BDH1: variants seen among roughly 807,000 people sequenced by gnomAD.
BDH1 encodes 3-hydroxybutyrate dehydrogenase 1.
BDH1 carries 30 observed loss-of-function variants against 33.1 expected under a neutral mutation model. That is an observed-to-expected ratio of 0.91 (90% confidence interval 0.68 to 1.23). BDH1 has a LOEUF of 1.23. BDH1 is among the 50% of genes most tolerant of loss of function. The pLI, the probability that BDH1 is intolerant of heterozygous loss-of-function variation, is 0.00. For synonymous variants in BDH1, 190 were observed against 183.6 expected, an observed-to-expected ratio of 1.03 and a Z score of -0.28; for missense variants, 443 against 464.4, an observed-to-expected ratio of 0.95 and a Z score of 0.42.
chr3:197,514,023 C>G lies in BDH1; in HGVS notation c.562+241G>C, dbSNP rs2108701143. On this transcript the variant is annotated intron_variant, in intron 7 of 7. Transcript: ENST00000392379. The surrounding 1 kb of genome is among the most constrained non-coding windows in gnomAD (Gnocchi z 4.2). ...GTGTGCAGAGTGGATGGCTGCTCAA[C>G]TCTTTAAGCTTTTGCTGCATGGACC... 4.0e-6 allele frequency: 2 copies of G among 498,292 alleles called. No homozygotes were observed. Among genetic ancestry groups the G allele is most frequent in the Non-Finnish European group, 7.0e-6 (2 of 284,730 alleles). 30.9% of individuals were successfully genotyped at this position (498,292 alleles called of 1,614,324 possible).
chr3:197,563,287 T>C (rs2116294), intron 1 of BDH1, among the ~76,000 whole-genome samples: 53,363 of 152,144 alleles, frequency 0.35, 9,854 homozygotes, highest in African/African-American at 0.45. Flanking sequence ...CTGACTTTTA[T>C]GTGAGTTGTT....
At chr3:197,546,792 GAT>G (rs750930750) in intron 2 of BDH1, among the ~76,000 whole-genome samples, 1 of 152,204 alleles carries the variant, frequency 6.6e-6, no homozygotes, top group Non-Finnish European at 1.5e-5. Context: ...CCAGATCAGT[GAT>G]CCTCAAACCC....
At chr3:197,535,582 A>T (rs955829163) in intron 3 of BDH1, among the ~76,000 whole-genome samples, 7 of 152,232 alleles carry the variant, frequency 4.6e-5, no homozygotes, top group Non-Finnish European at 8.8e-5. Context: ...CAATGTAGTT[A>T]GTGATAGAGC....
intron 1 of BDH1, among the ~76,000 whole-genome samples, chr3:197,570,140 C>T (rs1717561062): frequency 6.6e-6 from 1 of 152,172 alleles, no homozygotes; most frequent in African/African-American, 2.4e-5. Flanking sequence ...CAGCATTTTG[C>T]CCCTGCCCTA....
chr3:197,533,333 T>C (rs576054952), intron 4 of BDH1, among the ~76,000 whole-genome samples, 156 bp downstream of exon 4: 1 of 152,258 alleles, frequency 6.6e-6, no homozygotes, highest in Admixed American at 6.5e-5. Context: ...AGCTCATTAC[T>C]GATGAGGGGC....
In BDH1 at chr3:197,520,158, T is replaced by G; in HGVS notation, c.409+2482A>C. On this transcript the variant is annotated intron_variant, in intron 6 of 7. Transcript: ENST00000392379. The surrounding 1 kb of genome is among the most constrained non-coding windows in gnomAD (Gnocchi z 6.0). ...CAAGACATGGCAGAGTGGCAGAGTG[T>G]GGAGGGGAAGCAGGGAGAGGGAGGA... Among the ~76,000 whole-genome samples the G allele has an allele frequency of 6.6e-6, 1 of 151,274 alleles. No individual in the cohort carries two copies. The highest frequency in any genetic ancestry group is 2.4e-5 in the African/African-American group (1 of 41,034).
intron 5 of BDH1, among the ~76,000 whole-genome samples, chr3:197,527,930 C>T (rs1714260878): frequency 2.6e-5 from 4 of 152,164 alleles, no homozygotes; most frequent in Non-Finnish European, 5.9e-5. Context: ...TCTGACACCC[C>T]GTCCACCATG....
In BDH1 at chr3:197,525,250, G is replaced by A. The variant is rs1450993869; in HGVS notation, c.268-2469C>T. Among the ~76,000 whole-genome samples the A allele has an allele frequency of 6.6e-6, 1 of 152,334 alleles. No individual in the cohort carries two copies. The highest frequency in any genetic ancestry group is 6.5e-5 in the Admixed American group (1 of 15,306). On this transcript the variant is annotated intron_variant, in intron 5 of 7. Coordinates refer to ENST00000392379, the MANE Select transcript of BDH1 (RefSeq NM_203314.3). The surrounding 1 kb of genome is among the most constrained non-coding windows in gnomAD (Gnocchi z 4.9). ...TTGCTTTAATGCAGTCTTCCACCTG[G>A]TGGCCCTTCAAATGCCCCTTGGCGT...
intron 3 of BDH1, among the ~76,000 whole-genome samples, chr3:197,539,450 A>C (rs1337220473): frequency 1.3e-5 from 2 of 152,204 alleles, no homozygotes; most frequent in Non-Finnish European, 2.9e-5. Context: ...TATAGTTTAT[A>C]GTTTAAAACA....
In BDH1 at chr3:197,522,801, T is replaced by G; in HGVS notation, c.268-20A>C. ...TTTGTCCTGGGGAGGAGAGAAGAGCTGCTTCTACCTCCTTCCTTCCCACCC... is the reference window on the plus strand; with the variant it reads ...TTTGTCCTGGGGAGGAGAGAAGAGCGGCTTCTACCTCCTTCCTTCCCACCC... On this transcript the variant is annotated intron_variant, in intron 5 of 7. Coordinates refer to ENST00000392379, the MANE Select transcript of BDH1 (RefSeq NM_203314.3). The surrounding 1 kb of genome is among the most constrained non-coding windows in gnomAD (Gnocchi z 4.8). The G allele has an allele frequency of 1.2e-6, 2 of 1,612,014 alleles. No individual in the cohort carries two copies. The highest frequency in any genetic ancestry group is 1.7e-6 in the Non-Finnish European group (2 of 1,178,558).
chr3:197,535,600 T>A (rs555660814), intron 3 of BDH1, among the ~76,000 whole-genome samples: 2 of 152,180 alleles, frequency 1.3e-5, no homozygotes, highest in African/African-American at 4.8e-5. Context: ...AGCTAACTAG[T>A]GAAACCAAGG....
chr3:197,515,562 T>A, intron 6 of BDH1: 1 of 985,602 alleles, frequency 1.0e-6, no homozygotes, highest in Non-Finnish European at 1.2e-6. Context: ...TTTACACAAT[T>A]TCAGCTTTTC....
intron 1 of BDH1, among the ~76,000 whole-genome samples, chr3:197,563,812 A>G (rs1717343856): frequency 6.6e-6 from 1 of 152,218 alleles, no homozygotes; most frequent in Non-Finnish European, 1.5e-5. Flanking sequence ...AGATGTAAAG[A>G]AAGTTATGGC....
chr3:197,531,961 G>A (rs1035914264), intron 5 of BDH1, among the ~76,000 whole-genome samples: 3 of 152,048 alleles, frequency 2.0e-5, no homozygotes, highest in Admixed American at 6.6e-5. Flanking sequence ...TTATTTACTC[G>A]CCATGGCCCA....
intron 3 of BDH1, 150 bp downstream of exon 3, chr3:197,546,211 C>G (rs1480527529): frequency 2.9e-6 from 2 of 691,230 alleles, no homozygotes; most frequent in African/African-American, 1.8e-5. Flanking sequence ...CTTCCCAGGA[C>G]ACCTCTGAGT....
upstream of BDH1, among the ~76,000 whole-genome samples, chr3:197,556,795 C>T (rs1363877772): frequency 6.6e-6 from 1 of 152,236 alleles, no homozygotes; most frequent in African/African-American, 2.4e-5. Context: ...CCTCCCAACC[C>T]CACCCCACTG....
rs3762651 is a variant in BDH1, at chr3:197,533,777, C to G, written c.84-216G>C. 3,006 of 524,344 alleles carry G rather than the reference C, an allele frequency of 5.7e-3. 117 individuals are homozygous for G. In the East Asian group the frequency reaches 0.07, roughly 12 times the overall value. 32.5% of individuals were successfully genotyped at this position (524,344 alleles called of 1,614,324 possible). ...TATGTTTGCCACTGTCCAGGAAGAG[C>G]CTTCCTGAGAATAAAGCCAATTCTG... On this transcript the variant is annotated intron_variant, in intron 3 of 7. Transcript: ENST00000392379.
intron 1 of BDH1, among the ~76,000 whole-genome samples, chr3:197,569,540 GA>G (rs895914154): frequency 2.0e-4 from 30 of 152,156 alleles, no homozygotes; most frequent in African/African-American, 7.2e-4. Flanking sequence ...CCTGGTGGGG[GA>G]AAATTGAATC....
intron 3 of BDH1, among the ~76,000 whole-genome samples, chr3:197,543,364 C>T (rs1331675859): frequency 6.6e-6 from 1 of 152,262 alleles, no homozygotes; most frequent in Non-Finnish European, 1.5e-5. Context: ...AAGAGCCCTT[C>T]TCCACTCTGC....
Sources: gnomAD v4.1 joint callset for allele counts (sites outside exome capture counted in the v4.1 genomes callset) on GRCh38, gnomAD v4.1.1 for gene constraint, Gnocchi (gnomAD v3.1) non-coding constraint, MANE v1.5 for transcripts, NCBI Gene and HGNC (gene_info 2026-07-23, HGNC 2026-07-21) for gene names.